The following KALRN variants were observed in gnomAD, a reference collection of about 807,000 sequenced individuals.
The protein encoded by KALRN is kalirin RhoGEF kinase.
Under a neutral mutation model 353.7 loss-of-function variants are expected in KALRN, and 70 were observed. That is an observed-to-expected ratio of 0.20 (90% CI 0.16 to 0.24). The LOEUF (loss-of-function observed/expected upper bound fraction) is 0.24, where lower values mean the gene tolerates loss of function less well. KALRN is among the 10% of genes least tolerant of loss of function. The probability of loss-of-function intolerance (pLI) is 1.00; values close to 1 mark genes in which losing one functional copy is unlikely to be tolerated. For synonymous variants in KALRN, 1,391 were observed against 1,434.8 expected (o/e 0.97, Z 0.69); for missense variants, 2,791 against 3,756.7 (o/e 0.74, Z 6.72).
intron 1 of KALRN, chr3:124,096,817 A>AT (rs1315087753): frequency 6.6e-6 from 1 of 152,248 alleles, no homozygotes; most frequent in East Asian, 1.9e-4. Context: ...GTTAGTGCAT[A>AT]TACAGTGTCA....
At chr3:124,630,817 T>C (rs1314102533) in intron 34 of KALRN, among the ~76,000 whole-genome samples, 4 of 152,152 alleles carry the variant, frequency 2.6e-5, no homozygotes, top group Admixed American at 6.5e-5. Context: ...ACAAACAATA[T>C]GCTGAGATTT....
chr3:124,430,200 A>G (rs973799607), intron 15 of KALRN, among the ~76,000 whole-genome samples: 1 of 152,236 alleles, frequency 6.6e-6, no homozygotes, highest in Non-Finnish European at 1.5e-5. Flanking sequence ...ATATGCTTGC[A>G]CTAGATGAAG....
intron 33 of KALRN, among the ~76,000 whole-genome samples, chr3:124,517,951 AAAT>A (rs2066803034): frequency 6.6e-6 from 1 of 152,218 alleles, no homozygotes; most frequent in African/African-American, 2.4e-5. Context: ...AAAGGATATG[AAAT>A]AAACACTAAT....
chr3:124,442,186 A>C (rs1473904179), intron 19 of KALRN, 127 bp downstream of exon 19: 1 of 562,044 alleles, frequency 1.8e-6, no homozygotes, highest in Admixed American at 3.5e-5. Context: ...AAAATGTATG[A>C]TGTGGGATGG....
intron 34 of KALRN, among the ~76,000 whole-genome samples, chr3:124,566,337 C>CA (rs921300719): frequency 1.3e-5 from 2 of 151,814 alleles, no homozygotes; most frequent in Admixed American, 6.6e-5. Context: ...CCTGTCTCTA[C>CA]AAAAAAAATT....
intron 1 of KALRN, among the ~76,000 whole-genome samples, chr3:124,209,363 G>A (rs2076700996): frequency 6.6e-6 from 1 of 151,710 alleles, no homozygotes; most frequent in African/African-American, 2.4e-5. Context: ...AAAATCAGCT[G>A]GGTGGTGGTG....
At chr3:124,066,209 A>AT (rs770078908) in intron 1 of KALRN, among the ~76,000 whole-genome samples, 5 of 152,072 alleles carry the variant, frequency 3.3e-5, no homozygotes, top group Admixed American at 6.6e-5. Context: ...AGCCATTATG[A>AT]TTTTTTTTCT....
intron 33 of KALRN, among the ~76,000 whole-genome samples, chr3:124,556,260 C>G (rs748708654): frequency 6.6e-6 from 1 of 152,210 alleles, no homozygotes; most frequent in Non-Finnish European, 1.5e-5. Flanking sequence ...ACAGTTCCAG[C>G]AAGCAAAGAT....
At chr3:124,370,052 T>A (rs1485408170) in intron 10 of KALRN, among the ~76,000 whole-genome samples, 1 of 152,114 alleles carries the variant, frequency 6.6e-6, no homozygotes, top group Non-Finnish European at 1.5e-5. Flanking sequence ...GAAAATGGAA[T>A]TAAAAATAAA....
intron 3 of KALRN, among the ~76,000 whole-genome samples, chr3:124,247,409 A>G (rs2070448635): frequency 6.6e-6 from 1 of 152,258 alleles, no homozygotes; most frequent in Non-Finnish European, 1.5e-5. Context: ...GAACTGTAGT[A>G]AATGATAGAT....
chr3:124,391,479 G>A lies in KALRN; in HGVS notation c.1963-3656G>A, dbSNP rs576441769. 1.4e-4 allele frequency among the ~76,000 whole-genome samples: 21 copies of A among 152,282 alleles called. No individual in the cohort carries two copies. The South Asian group carries it at 3.7e-3, about 27-fold the overall frequency. On this transcript the variant is annotated intron_variant, in intron 11 of 59. Coordinates refer to ENST00000682506, the MANE Select transcript of KALRN (RefSeq NM_001388419.1). ...TTGTAGTAGCTTGACAGAAAAGATC[G>A]TTCTGGCTGGATGTCACTGACTGCT...
rs571598738 is a variant in KALRN, at chr3:124,047,795, G to A, written c.73+13982G>A. Among the ~76,000 whole-genome samples, 4 of 151,778 alleles carry A rather than the reference G, an allele frequency of 2.6e-5. No individual in the cohort carries two copies. In the South Asian group the frequency reaches 6.3e-4, roughly 24 times the overall value. On this transcript the variant is annotated intron_variant, in intron 1 of 59. Coordinates refer to ENST00000682506, the MANE Select transcript of KALRN (RefSeq NM_001388419.1). ...TGGGATTACAGGCATGAGCCACGGC[G>A]CCCGGCCAGAACACTTTTTATATTG...
intron 15 of KALRN, among the ~76,000 whole-genome samples, chr3:124,425,659 G>T (rs2092980312): frequency 6.6e-6 from 1 of 152,168 alleles, no homozygotes. Flanking sequence ...ACTTTGAAAT[G>T]AAATATATAA....
intron 6 of KALRN, among the ~76,000 whole-genome samples, chr3:124,324,865 C>T (rs2079712199): frequency 6.6e-6 from 1 of 152,222 alleles, no homozygotes; most frequent in Non-Finnish European, 1.5e-5. Context: ...TACTGCAGAA[C>T]ATGTATAATC....
intron 45 of KALRN, among the ~76,000 whole-genome samples, chr3:124,664,370 T>TGTCTGTGC (rs370394911): frequency 7.7e-6 from 1 of 129,534 alleles, no homozygotes; most frequent in East Asian, 2.3e-4. Flanking sequence ...TGTGTGTGTG[T>TGTCTGTGC]GCGCGCGCGC....
At chr3:124,711,679 A>G (rs2062894685) in intron 57 of KALRN, among the ~76,000 whole-genome samples, 1 of 152,220 alleles carries the variant, frequency 6.6e-6, no homozygotes, top group African/African-American at 2.4e-5. Flanking sequence ...GTCAGATGCA[A>G]TAATGGCAGA....
chr3:124,651,125 G>A (rs79763273), intron 38 of KALRN, among the ~76,000 whole-genome samples, 187 bp downstream of exon 38: 3,178 of 152,336 alleles, frequency 0.021, 154 homozygotes, highest in East Asian at 0.097. Flanking sequence ...CTTGATTGAA[G>A]TTTAGGCTAA....
intron 5 of KALRN, 88 bp downstream of exon 5, chr3:124,269,343 T>G: frequency 6.5e-6 from 9 of 1,376,422 alleles, no homozygotes; most frequent in Non-Finnish European, 8.9e-6. Flanking sequence ...TGATAGTACT[T>G]TCCTGGAAAG....
chr3:124,628,880 A>G (rs1352150321), intron 34 of KALRN, among the ~76,000 whole-genome samples: 1 of 126,388 alleles, frequency 7.9e-6, no homozygotes, highest in African/African-American at 2.7e-5. Context: ...ATGAGCCACC[A>G]TGCCCAGCCA....
Sources: allele counts gnomAD v4.1 joint callset (sites outside exome capture counted in the v4.1 genomes callset), GRCh38; gene constraint gnomAD v4.1.1; transcripts MANE v1.5; gene names NCBI Gene and HGNC (gene_info 2026-07-23, HGNC 2026-07-21).